The following PCDHA4 variants were observed in gnomAD, a reference collection of about 807,000 sequenced individuals.
The protein encoded by PCDHA4 is protocadherin alpha 4, also known as protocadherin alpha-4.
Under a neutral mutation model 61.4 loss-of-function variants are expected in PCDHA4, and 49 were observed. That is an observed-to-expected ratio of 0.80 (90% CI 0.63 to 1.01). The LOEUF is 1.01. Ranked by LOEUF, PCDHA4 falls within the 50% of genes least tolerant of loss-of-function variation. The probability of loss-of-function intolerance (pLI) is 0.00; values close to 1 mark genes in which losing one functional copy is unlikely to be tolerated. For synonymous variants in PCDHA4, 590 were observed against 550.3 expected (o/e 1.07, Z -1.01); for missense variants, 1,254 against 1,235.8 (o/e 1.01, Z -0.22).
At chr5:140,958,667 TA>T (rs1310790364) in intron 1 of PCDHA4, among the ~76,000 whole-genome samples, 1 of 152,186 alleles carries the variant, frequency 6.6e-6, no homozygotes, top group African/African-American at 2.4e-5. Context: ...GATGAAATTT[TA>T]ATTATAAAGG....
chr5:140,877,721 A>C, intron 1 of PCDHA4: 3 of 1,614,000 alleles, frequency 1.9e-6, no homozygotes, highest in Non-Finnish European at 2.5e-6. Context: ...AGTTGGTCTT[A>C]CTCGCAGCAG....
chr5:140,843,708 G>A, intron 1 of PCDHA4: 1 of 1,577,200 alleles, frequency 6.3e-7, no homozygotes, highest in South Asian at 1.1e-5. Context: ...GTTGATCATG[G>A]CCTCAAAGTA....
chr5:140,822,875 T>C (rs1562267185), intron 1 of PCDHA4: 2 of 1,614,192 alleles, frequency 1.2e-6, no homozygotes, highest in Non-Finnish European at 1.7e-6. Flanking sequence ...CTCAGCACGG[T>C]CATTGCTCTG....
At chr5:140,849,982 A>T (rs2150461317) in intron 1 of PCDHA4, 3 of 1,597,430 alleles carry the variant, frequency 1.9e-6, no homozygotes, top group Non-Finnish European at 2.6e-6. Flanking sequence ...TCGCTGGTGG[A>T]GCGGCGGTTG....
chr5:140,831,986 C>G (rs915163215), intron 1 of PCDHA4, among the ~76,000 whole-genome samples: 1 of 152,134 alleles, frequency 6.6e-6, no homozygotes, highest in African/African-American at 2.4e-5. Flanking sequence ...ACTCTCATTA[C>G]GGATTCCATA....
chr5:140,844,668 T>C lies in PCDHA4; in HGVS notation c.2385+35096T>C, dbSNP rs2150373115. Among the ~76,000 whole-genome samples, 20 of 149,718 alleles carry C rather than the reference T, an allele frequency of 1.3e-4. 1 individual carries two copies. The highest frequency in any genetic ancestry group is 4.9e-4 in the African/African-American group (20 of 40,994). On this transcript the variant is annotated intron_variant, in intron 1 of 3. Transcript: ENST00000530339. ...TCATTCTTGCAAACCAAACATATAA[T>C]TTATAAATCCTTATTATACAGAATA... is the stretch of plus-strand genomic sequence containing the variant.
intron 1 of PCDHA4, 171 bp downstream of exon 1, chr5:140,809,743 T>C (rs1764534242): frequency 1.5e-6 from 1 of 678,722 alleles, no homozygotes; most frequent in Non-Finnish European, 2.4e-6. Flanking sequence ...CAATATATAT[T>C]GCCTTCCTTC....
intron 3 of PCDHA4, among the ~76,000 whole-genome samples, chr5:141,009,383 C>T (rs2098407441): frequency 6.6e-6 from 1 of 152,198 alleles, no homozygotes; most frequent in African/African-American, 2.4e-5. Flanking sequence ...TGATTGAGCA[C>T]AGGAGGTCGA....
chr5:140,855,100 C>G (rs1054682058), intron 1 of PCDHA4, among the ~76,000 whole-genome samples: 2 of 149,782 alleles, frequency 1.3e-5, no homozygotes, highest in Non-Finnish European at 3.0e-5. Flanking sequence ...TGTGCAGTAG[C>G]AATAATTAAG....
At chr5:140,849,060 G>GT (rs1320977554) in intron 1 of PCDHA4, 2 of 1,548,996 alleles carry the variant, frequency 1.3e-6, no homozygotes, top group Non-Finnish European at 1.8e-6. Context: ...CAACCAGCAG[G>GT]TAAAACCTCT....
intron 3 of PCDHA4, among the ~76,000 whole-genome samples, chr5:141,000,395 C>A (rs664650): frequency 0.072 from 3,868 of 53,704 alleles, 168 homozygotes; most frequent in Non-Finnish European, 0.081. Flanking sequence ...CTCTCTCTCT[C>A]TATATATATA....
At chr5:140,839,602 C>T (rs1330709699) in intron 1 of PCDHA4, among the ~76,000 whole-genome samples, 1 of 151,960 alleles carries the variant, frequency 6.6e-6, no homozygotes. Context: ...GTTGCCCAGG[C>T]TGGTCTCAAA....
intron 1 of PCDHA4, among the ~76,000 whole-genome samples, chr5:140,921,599 G>A (rs2080288942): frequency 6.6e-6 from 1 of 152,036 alleles, no homozygotes; most frequent in African/African-American, 2.4e-5. Flanking sequence ...GGTTTCAAAG[G>A]TAATAAGAAA....
At chr5:140,833,463 ATT>A (rs1554133852) in intron 1 of PCDHA4, among the ~76,000 whole-genome samples, 3 of 152,250 alleles carry the variant, frequency 2.0e-5, no homozygotes, top group Non-Finnish European at 4.4e-5. Context: ...ATAAACTTAC[ATT>A]TTAAAAGAAA....
intron 1 of PCDHA4, chr5:140,862,219 T>C: frequency 4.8e-6 from 1 of 206,310 alleles, no homozygotes; most frequent in Non-Finnish European, 9.9e-6. Flanking sequence ...ACAGACTTGA[T>C]AGAAGTCTTG....
In PCDHA4 at chr5:140,823,556, G is replaced by C; in HGVS notation, c.2385+13984G>C. ...GCGGGCCACGTGGTGGCGAAGGTGC[G>C]CGCAGTGGACCCTGATTCGGGCTAC... On this transcript the variant is annotated intron_variant, in intron 1 of 3. Coordinates refer to ENST00000530339, the MANE Select transcript of PCDHA4 (RefSeq NM_018907.4). 6.2e-7 allele frequency: 1 copy of C among 1,613,890 alleles called. No homozygotes were observed. Among genetic ancestry groups the C allele is most frequent in the South Asian group, 1.1e-5 (1 of 91,064 alleles).
At chr5:140,872,920 T>C (rs2153277088) in intron 1 of PCDHA4, among the ~76,000 whole-genome samples, 1 of 152,356 alleles carries the variant, frequency 6.6e-6, no homozygotes, top group South Asian at 2.1e-4. Flanking sequence ...TAATGCCTTA[T>C]CTCTAATGTT....
At chr5:140,811,157 CA>C (rs1456455973) in intron 1 of PCDHA4, 1 of 152,232 alleles carries the variant, frequency 6.6e-6, no homozygotes, top group Non-Finnish European at 1.5e-5. Flanking sequence ...ATCCCTCCCC[CA>C]GTCCCCCACA....
At chr5:140,974,865 G>A (rs1042029401) in intron 1 of PCDHA4, among the ~76,000 whole-genome samples, 7 of 152,026 alleles carry the variant, frequency 4.6e-5, no homozygotes, top group African/African-American at 1.4e-4. Context: ...GCCTTAATGC[G>A]GAACAGTCTA....
Sources: allele counts gnomAD v4.1 joint callset (sites outside exome capture counted in the v4.1 genomes callset), GRCh38; gene constraint gnomAD v4.1.1; transcripts MANE v1.5; gene names NCBI Gene and HGNC (gene_info 2026-07-23, HGNC 2026-07-21).